The following PHEX variants were observed in gnomAD, a reference collection of about 807,000 sequenced individuals.
PHEX encodes the protein phosphate-regulating neutral endopeptidase PHEX.
A neutral mutation model predicts 68.0 loss-of-function variants in PHEX; 16 were observed. That is an observed-to-expected ratio of 0.24 (90% CI 0.16 to 0.36). PHEX has a LOEUF of 0.36. Among genes scored for constraint, PHEX ranks in the 10% least tolerant of loss-of-function variants. PHEX has a pLI of 1.00. For synonymous variants in PHEX, 208 were observed against 205.1 expected, an observed-to-expected ratio of 1.01 and a Z score of -0.12; for missense variants, 480 against 575.5, an observed-to-expected ratio of 0.83 and a Z score of 1.70.
intron 2 of PHEX, among the ~76,000 whole-genome samples, chrX:22,044,283 C>A (rs1272711403): frequency 9.0e-6 from 1 of 111,276 alleles, no homozygotes; most frequent in Non-Finnish European, 1.9e-5. Context: ...GGGACTGAGA[C>A]GTGTGATCCA....
At chrX:22,198,147 A>G (rs1447258073) in intron 15 of PHEX, among the ~76,000 whole-genome samples, 1 of 104,629 alleles carries the variant, frequency 9.6e-6, no homozygotes, top group Non-Finnish European at 1.9e-5. Context: ...TAATATTTAT[A>G]TAATATATAT....
intron 18 of PHEX, among the ~76,000 whole-genome samples, chrX:22,222,177 T>C (rs1409277440): frequency 8.9e-5 from 10 of 111,830 alleles, no homozygotes; most frequent in Non-Finnish European, 1.9e-5. Context: ...GAATGGTGTC[T>C]AGCTCTTTTA....
At chrX:22,247,356 G>C (rs1936420767) in intron 21 of PHEX, among the ~76,000 whole-genome samples, 1 of 112,060 alleles carries the variant, frequency 8.9e-6, no homozygotes, top group Non-Finnish European at 1.9e-5. Context: ...TTCACATGAA[G>C]TTCAAAATCA....
At chrX:22,168,651 A>G (rs938649899) in intron 13 of PHEX, among the ~76,000 whole-genome samples, 3 of 112,123 alleles carry the variant, frequency 2.7e-5, no homozygotes, top group African/African-American at 9.7e-5. Context: ...GCCTAATTTG[A>G]TCATAAAAGA....
At position 22,250,648 on chromosome X, in the gene PHEX, C is replaced by G. The variant is rs887248438; in HGVS notation, c.*2695C>G. The G allele has an allele frequency of 9.0e-6, 1 of 111,695 alleles. No individual in the cohort carries two copies. The highest frequency in any genetic ancestry group is 3.3e-5 in the African/African-American group (1 of 30,747). The allele number at this position is 111,695 out of a possible 1,213,427, so 9.2% of individuals were successfully genotyped here. A position where few individuals can be genotyped will look rare whatever the true frequency, so the allele number is the denominator to read the frequency against. ...GTTTTATTTGGGCTCATGACCATTG[C>G]CCAAAGTGTACTGAGCTTTTCACTA... is the stretch of plus-strand genomic sequence containing the variant. On this transcript the variant is annotated 3_prime_UTR_variant, in exon 22 of 22. Transcript: ENST00000379374.
At chrX:22,061,789 A>G (rs1175467109) in intron 3 of PHEX, among the ~76,000 whole-genome samples, 1 of 111,650 alleles carries the variant, frequency 9.0e-6, no homozygotes, top group Non-Finnish European at 1.9e-5. Context: ...GGAAGGTGAT[A>G]TTATTCCTGT....
At chrX:22,163,881 C>A (rs1933222826) in intron 12 of PHEX, among the ~76,000 whole-genome samples, 1 of 111,963 alleles carries the variant, frequency 8.9e-6, no homozygotes, top group Non-Finnish European at 1.9e-5. Flanking sequence ...ACCAGACACT[C>A]TTCTAAGTAT....
At chrX:22,224,995 C>CATACAGCGCTGTATGATTT (rs1569433299) in intron 18 of PHEX, among the ~76,000 whole-genome samples, 255 of 3,075 alleles carry the variant, frequency 0.083, no homozygotes, top group Middle Eastern at 0.11. Flanking sequence ...CTCTGTATGT[C>CATACAGCGCTGTATGATTT]AGAAGTCTGA....
intron 14 of PHEX, among the ~76,000 whole-genome samples, chrX:22,180,299 A>G (rs1176594756): frequency 1.8e-5 from 2 of 110,184 alleles, no homozygotes; most frequent in Non-Finnish European, 3.8e-5. Context: ...TCCACCTTCA[A>G]TTTCACCTTC....
At chrX:22,225,751 A>G (rs775766112) in intron 18 of PHEX, among the ~76,000 whole-genome samples, 1 of 112,536 alleles carries the variant, frequency 8.9e-6, no homozygotes, top group South Asian at 3.6e-4. Flanking sequence ...AAGCCTGTAC[A>G]AAAACAAGCA....
chrX:22,242,918 G>A (rs1180013336), intron 20 of PHEX, among the ~76,000 whole-genome samples: 1 of 111,726 alleles, frequency 9.0e-6, no homozygotes, highest in Non-Finnish European at 1.9e-5. Context: ...TCACAGAATT[G>A]GAAAAAACTT....
At chrX:22,211,334 C>G (rs987113983) in intron 15 of PHEX, among the ~76,000 whole-genome samples, 2 of 112,225 alleles carry the variant, frequency 1.8e-5, no homozygotes, top group African/African-American at 6.5e-5. Flanking sequence ...TGGGCTTTCT[C>G]TTTCAACTTG....
chrX:22,174,032 G>A (rs1933623235), intron 13 of PHEX, among the ~76,000 whole-genome samples: 1 of 111,792 alleles, frequency 8.9e-6, no homozygotes, highest in South Asian at 3.7e-4. Flanking sequence ...TGGTGGTGGT[G>A]GTAATAACTT....
At chrX:22,145,079 A>G (rs758736516) in intron 12 of PHEX, among the ~76,000 whole-genome samples, 2 of 112,202 alleles carry the variant, frequency 1.8e-5, no homozygotes, top group Admixed American at 9.5e-5. Context: ...TGTTGCATCT[A>G]TCAAGAGGCT....
intron 15 of PHEX, among the ~76,000 whole-genome samples, chrX:22,209,699 T>TCTCCCTCTCTTCCCTCTG (rs1934832096): frequency 1.1e-5 from 1 of 95,039 alleles, no homozygotes; most frequent in Non-Finnish European, 2.1e-5. Context: ...CTCTCCTCCC[T>TCTCCCTCTCTTCCCTCTG]CTCCCTCTCT....
chrX:22,165,880 T>C (rs1458059569), intron 12 of PHEX, among the ~76,000 whole-genome samples: 1 of 111,881 alleles, frequency 8.9e-6, no homozygotes, highest in Non-Finnish European at 1.9e-5. Context: ...GGCCACAGGG[T>C]GTCTGACCCA....
intron 15 of PHEX, among the ~76,000 whole-genome samples, chrX:22,201,404 C>T (rs111721334): frequency 0.11 from 12,354 of 110,866 alleles, 792 homozygotes; most frequent in African/African-American, 0.24. Context: ...AGGCTGGTCT[C>T]GAACTCTTGA....
intron 3 of PHEX, among the ~76,000 whole-genome samples, chrX:22,069,342 G>C (rs2301306): frequency 8.9e-6 from 1 of 111,803 alleles, no homozygotes; most frequent in Non-Finnish European, 1.9e-5. Flanking sequence ...TGCTATCAAA[G>C]AATAATGCTA....
At chrX:22,080,853 C>T (rs140394353) in intron 5 of PHEX, among the ~76,000 whole-genome samples, 334 of 111,645 alleles carry the variant, frequency 3.0e-3, no homozygotes, top group Non-Finnish European at 5.5e-3. Flanking sequence ...CCCATGTGTA[C>T]GGAAGGGTGA....
Sources: allele counts gnomAD v4.1 joint callset (sites outside exome capture counted in the v4.1 genomes callset), GRCh38; gene constraint gnomAD v4.1.1; transcripts MANE v1.5; gene names NCBI Gene and HGNC (gene_info 2026-07-23, HGNC 2026-07-21).